Variants in TTN observed in about 807,000 individuals in gnomAD.
TTN encodes titin, also known as connectin.
Under a neutral mutation model 3,223.0 loss-of-function variants are expected in TTN, and 1,525 were observed. That is an observed-to-expected ratio of 0.47 (90% confidence interval 0.45 to 0.49). TTN has a LOEUF of 0.49. Ranked by LOEUF, TTN falls within the 20% of genes least tolerant of loss-of-function variation. The pLI, the probability that TTN is intolerant of heterozygous loss-of-function variation, is 0.00. For synonymous variants in TTN, 14,094 were observed against 15,161.0 expected (o/e 0.93, Z 5.17); for missense variants, 40,786 against 43,424.0 (o/e 0.94, Z 5.40).
At chr2:178,668,447 C>T (rs1221837319) in intron 159 of TTN, among the ~76,000 whole-genome samples, 3 of 151,842 alleles carry the variant, frequency 2.0e-5, no homozygotes, top group Admixed American at 6.6e-5. Flanking sequence ...AAAATGGAAG[C>T]GGGTCTGGTG....
chr2:178,701,991 TA>T (rs1426562997), intron 109 of TTN, 48 bp downstream of exon 109: 6 of 1,582,604 alleles, frequency 3.8e-6, no homozygotes, highest in Non-Finnish European at 5.2e-6. Flanking sequence ...TTTACAAAAT[TA>T]TGCCAAATTT....
In TTN at chr2:178,582,072, AG is replaced by A; in HGVS notation, c.66296del (p.Ala22099ValfsTer13). The A allele has an allele frequency of 6.2e-7, 1 of 1,613,358 alleles. No individual in the cohort carries two copies. Among genetic ancestry groups the A allele is most frequent in the Non-Finnish European group, 8.5e-7 (1 of 1,179,512 alleles). ...GYLLEKRETQ[A>X]VNWTKVNRKP... is the part of the protein sequence containing the mutation. ...TTCTGTTGACCTTAGTCCAGTTAAC[AG>A]CCTGGGTTTCCCGCTTTTCAAGCAA... On this transcript the variant is annotated frameshift_variant, in exon 315 of 363. Coordinates refer to ENST00000589042, the MANE Select transcript of TTN (RefSeq NM_001267550.2). LOFTEE classifies it high-confidence loss of function.
chr2:178,651,319 C>T lies in TTN; in HGVS notation c.39549G>A (p.Val13183=). Residue 13183 remains valine, a splice_region_variant and synonymous_variant, in exon 208 of 363, where the codon GTG becomes GTA. Coordinates refer to ENST00000589042, the MANE Select transcript of TTN (RefSeq NM_001267550.2). The stretch of plus-strand genomic sequence containing the variant: ...GAACAACTTCTTTTGGAACTTCAGG[C>T]ACTTCAAATATATTAGTATTTTAAC... The part of the protein sequence containing the change: ...PKKPEAPPAK[V]PEVPKEVVPE... 1 of 1,612,796 alleles carries T rather than the reference C, an allele frequency of 6.2e-7. No homozygotes were observed. The highest frequency in any genetic ancestry group is 8.5e-7 in the Non-Finnish European group (1 of 1,179,224).
Position 178,549,306 on chromosome 2 carries a change from G to T in TTN, c.92320C>A (p.Pro30774Thr). The T allele has an allele frequency of 6.2e-7, 1 of 1,613,872 alleles. No individual in the cohort carries two copies. Among genetic ancestry groups the T allele is most frequent in the Non-Finnish European group, 8.5e-7 (1 of 1,179,820 alleles). ...TRWVKVISKR[P>T]ISETRFKVTG... is the part of the protein sequence containing the mutation. ...ACTTTGAATCTTGTTTCAGAGATTG[G>T]TCGTTTGCTGATCACTTTTACCCAT... Residue 30774 changes from proline to threonine, a missense_variant, in exon 339 of 363, where the codon CCA becomes ACA. Physicochemically the swap from Pro to Thr is conservative, Grantham distance 38. Coordinates refer to ENST00000589042, the MANE Select transcript of TTN (RefSeq NM_001267550.2).
At position 178,609,972 on chromosome 2, in the gene TTN, G is replaced by A. The variant is rs1203114137; in HGVS notation, c.51451C>T (p.Pro17151Ser). The stretch of plus-strand genomic sequence containing the variant: ...GGATTATGAACCTCTACATCTACAG[G>A]TGGATCAGGGGGTTCTGAAGAACAA... Reference protein sequence around the residue: ...AQDPKQPPDPPVDVEVHNPTA... With the variant: ...AQDPKQPPDPSVDVEVHNPTA... Residue 17151 changes from proline to serine, a missense_variant, in exon 272 of 363, where the codon CCT (proline) becomes TCT (serine). Physicochemically the swap from Pro to Ser is moderately conservative, Grantham distance 74 (BLOSUM62 -1). Transcript: ENST00000589042. 2 of 1,611,730 alleles carry A rather than the reference G, an allele frequency of 1.2e-6. No homozygotes were observed. Among genetic ancestry groups the A allele is most frequent in the East Asian group, 2.2e-5 (1 of 44,702 alleles).
chr2:178,737,784 T>A (rs1574044023), intron 49 of TTN: 1 of 253,222 alleles, frequency 3.9e-6, no homozygotes, highest in Non-Finnish European at 7.4e-6. Flanking sequence ...TATTTTTTTT[T>A]AGTGGCACCA....
chr2:178,530,926 G>A lies in TTN; in HGVS notation c.105689C>T (p.Ser35230Leu), dbSNP rs1335754723. 2 of 1,613,870 alleles carry A rather than the reference G, an allele frequency of 1.2e-6. No individual in the cohort carries two copies. Among genetic ancestry groups the A allele is most frequent in the Non-Finnish European group, 1.7e-6 (2 of 1,179,892 alleles). Reference protein sequence around the residue: ...KARVTEKAVTSPPRVKSPEPR... With the variant: ...KARVTEKAVTLPPRVKSPEPR... ...CTCTGGGGATTTGACTCTTGGTGGT[G>A]ATGTCACAGCCTTTTCAGTTACCCT... The change falls in exon 358 of 363, where the codon TCA (serine) becomes TTA (leucine). Residue 35230 changes from serine to leucine, a missense_variant. Ser to Leu is a moderately radical substitution (Grantham distance 145). Coordinates refer to ENST00000589042, the MANE Select transcript of TTN (RefSeq NM_001267550.2).
In TTN at chr2:178,557,326, C is replaced by T; in HGVS notation, c.87936G>A (p.Val29312=). 1 of 1,613,966 alleles carries T rather than the reference C, an allele frequency of 6.2e-7. No homozygotes were observed. Among genetic ancestry groups the T allele is most frequent in the Non-Finnish European group, 8.5e-7 (1 of 1,179,860 alleles). ...ISAGLIYEFR[V]YAENAAGVGK... is the part of the protein sequence containing the mutation. ...CAACTCCAGCAGCATTTTCTGCATACACCCTGAATTCATAAATAAGTCCAG... is the reference window on the plus strand; with the variant it reads ...CAACTCCAGCAGCATTTTCTGCATATACCCTGAATTCATAAATAAGTCCAG... Residue 29312 remains valine, a synonymous_variant, in exon 329 of 363, where the codon GTG becomes GTA. Coordinates refer to ENST00000589042, the MANE Select transcript of TTN (RefSeq NM_001267550.2).
intron 220 of TTN, 127 bp from the exon 221 acceptor site, chr2:178,640,757 T>C: frequency 1.4e-6 from 1 of 713,580 alleles, no homozygotes; most frequent in Non-Finnish European, 2.2e-6. Flanking sequence ...GTTTATCAAG[T>C]AATTTCTATT....
At position 178,528,086 on chromosome 2, in the gene TTN, A is replaced by C; in HGVS notation, c.107377+188T>G. ...AGTTGGTAGCTTTACTTTGAAATGT[A>C]ATCTATCCAAGTTTCTGTGTAGCTA... On this transcript the variant is annotated intron_variant, in intron 361 of 362. Transcript: ENST00000589042. 4.6e-6 allele frequency: 3 copies of C among 647,998 alleles called. No individual in the cohort carries two copies. The East Asian group carries it at 8.6e-5, about 19-fold the overall frequency. The allele number at this position is 647,998 out of a possible 1,614,324, so 40.1% of individuals were successfully genotyped here.
rs760604476 is a variant in TTN at position 178,534,588 on chromosome 2, C to A, written c.102027G>T (p.Leu34009Phe). ...WSLGTLVYVL[L>F]SGINPFLAET... ...CAGCCAGGAATGGGTTGATACCACTCAATAGCACATATACCAGTGTTCCAA... is the reference window on the plus strand; with the variant it reads ...CAGCCAGGAATGGGTTGATACCACTAAATAGCACATATACCAGTGTTCCAA... The change falls in exon 358 of 363, where the codon TTG becomes TTT. Residue 34009 changes from leucine to phenylalanine, a missense_variant. By Grantham distance (22) the Leu-to-Phe change is conservative. Coordinates refer to ENST00000589042, the MANE Select transcript of TTN (RefSeq NM_001267550.2). 44 of 1,613,748 alleles carry A rather than the reference C, an allele frequency of 2.7e-5. No individual in the cohort carries two copies. Among genetic ancestry groups the A allele is most frequent in the Non-Finnish European group, 3.6e-5 (43 of 1,179,816 alleles).
chr2:178,673,815 A>G, intron 151 of TTN, 105 bp from the exon 152 acceptor site: 2 of 797,638 alleles, frequency 2.5e-6, no homozygotes, highest in Non-Finnish European at 3.9e-6. Flanking sequence ...TATTTTTAAA[A>G]GATATTAGCA....
Position 178,630,293 on chromosome 2 carries a change from C to T in TTN, c.44229G>A (p.Gly14743=), listed in dbSNP as rs376445406. Residue 14743 remains glycine (G), a synonymous_variant, in exon 239 of 363, where the codon GGG becomes GGA. Coordinates refer to ENST00000589042, the MANE Select transcript of TTN (RefSeq NM_001267550.2). The part of the protein sequence containing the change: ...LHNCRLDQTG[G]VDFQAANVKS... ...TAACATTGGCAGCTTGGAAATCCACCCCACCCGTCTGGTCCAGGCGACAGT... is the reference window on the plus strand; with the variant it reads ...TAACATTGGCAGCTTGGAAATCCACTCCACCCGTCTGGTCCAGGCGACAGT... The T allele has an allele frequency of 1.6e-5, 26 of 1,612,998 alleles. No homozygotes were observed. The East Asian group carries it at 3.1e-4, about 19-fold the overall frequency.
intron 15 of TTN, among the ~76,000 whole-genome samples, 187 bp downstream of exon 15, chr2:178,785,433 C>A (rs929617061): frequency 6.6e-6 from 1 of 152,170 alleles, no homozygotes; most frequent in Non-Finnish European, 1.5e-5. Flanking sequence ...ACTCTAGGCT[C>A]ACTCCCCTGG....
rs1301836687 is a variant in TTN, at chr2:178,684,912, G to T, written c.32548C>A (p.Pro10850Thr). The T allele has an allele frequency of 2.5e-6, 4 of 1,605,950 alleles. No homozygotes were observed. The East Asian group carries it at 8.9e-5, about 36-fold the overall frequency. The change falls in exon 130 of 363, where the codon CCT (proline) becomes ACT (threonine). Residue 10850 changes from proline to threonine, a missense_variant. Pro to Thr is a conservative substitution (Grantham distance 38). Transcript: ENST00000589042. ...PVPKKEKVPP[P>T]KVPEEPKKPV... Reference sequence around the variant, plus strand: ...AAAATAAAATCCAATATACCTTTAGGTGGGGGCACCTTTTCCTTTTTAGGA... The same window carrying T: ...AAAATAAAATCCAATATACCTTTAGTTGGGGGCACCTTTTCCTTTTTAGGA...
Position 178,558,217 on chromosome 2 carries a change from A to G in TTN, c.87137T>C (p.Met29046Thr), listed in dbSNP as rs143975327. 5 of 1,606,828 alleles carry G rather than the reference A, an allele frequency of 3.1e-6. No individual in the cohort carries two copies. Among genetic ancestry groups the G allele is most frequent in the Non-Finnish European group, 4.2e-6 (5 of 1,178,366 alleles). The change falls in exon 328 of 363, where the codon ATG becomes ACG. Residue 29046 changes from methionine (M) to threonine (T), a missense_variant. Met to Thr is a moderately conservative substitution (Grantham distance 81). Coordinates refer to ENST00000589042, the MANE Select transcript of TTN (RefSeq NM_001267550.2). ...KEQLEPPEID[M>T]KNFPSHTVYV... ...TACAGTGTGACTTGGGAAATTCTTC[A>G]TATCAATTTCAGGTGGTTCTGAAAA...
chr2:178,732,453 G>A lies in TTN; in HGVS notation c.16608C>T (p.Asn5536=). 1 of 1,606,740 alleles carries A rather than the reference G, an allele frequency of 6.2e-7. No homozygotes were observed. Among genetic ancestry groups the A allele is most frequent in the Non-Finnish European group, 8.5e-7 (1 of 1,175,622 alleles). The change falls in exon 56 of 363, where the codon AAC becomes AAT. Residue 5536 remains asparagine, a synonymous_variant. Coordinates refer to ENST00000589042, the MANE Select transcript of TTN (RefSeq NM_001267550.2). ...AACAATGCAAACCTTTTACAAACAA[G>A]TTTGCACTGCATTCCACCCCTCCAG... ...NVAGGVECSA[N]LFVKEPATFV...
chr2:178,548,321 T>A lies in TTN; in HGVS notation c.93305A>T (p.Tyr31102Phe). The change falls in exon 339 of 363, where the codon TAT (tyrosine) becomes TTT (phenylalanine). Residue 31102 changes from tyrosine (Y) to phenylalanine (F), a missense_variant. Tyr to Phe is a conservative substitution (Grantham distance 22). Transcript: ENST00000589042. This position sits in a 1 kb window ranked among gnomAD's most constrained non-coding sequence, Gnocchi z 4.3. The stretch of plus-strand genomic sequence containing the variant: ...GGCTACAATTGGTTCTGGCATTTCA[T>A]AGGGCTCACCAACACCATACTCATT... ...AVNEYGVGEP[Y>F]EMPEPIVATE... 6.2e-7 allele frequency: 1 copy of A among 1,613,722 alleles called. No individual in the cohort carries two copies. The highest frequency in any genetic ancestry group is 1.1e-5 in the South Asian group (1 of 91,078).
At chr2:178,753,037 A>C (rs772771636) in intron 47 of TTN, 87 bp downstream of exon 47, 38 of 1,083,206 alleles carry the variant, frequency 3.5e-5, no homozygotes, top group Non-Finnish European at 4.7e-5. Flanking sequence ...TTTTTTTCTC[A>C]ATAATACTAA....
Sources: gnomAD v4.1 joint callset for allele counts (sites outside exome capture counted in the v4.1 genomes callset) on GRCh38, gnomAD v4.1.1 for gene constraint, Gnocchi (gnomAD v3.1) non-coding constraint, MANE v1.5 for transcripts, NCBI Gene and HGNC (gene_info 2026-07-23, HGNC 2026-07-21) for gene names.